Variants in CNTNAP2 observed in about 807,000 individuals in gnomAD.
The protein encoded by CNTNAP2 is contactin associated protein 2.
In CNTNAP2, 98 loss-of-function variants were observed where a neutral mutation model predicts 155.2. The observed-to-expected ratio is 0.63, with a 90% CI of 0.54 to 0.75. The LOEUF (loss-of-function observed/expected upper bound fraction) is 0.75. CNTNAP2 is among the 30% of genes least tolerant of loss of function. CNTNAP2 has a pLI of 0.00. For missense variants in CNTNAP2, 1,727 were observed against 1,688.1 expected (o/e 1.02, Z -0.40); for synonymous variants, 651 against 631.2 (o/e 1.03, Z -0.47).
chr7:147,626,737 G>A (rs946968449), intron 12 of CNTNAP2, among the ~76,000 whole-genome samples: 4 of 152,128 alleles, frequency 2.6e-5, no homozygotes, highest in African/African-American at 9.7e-5. Context: ...GCAACTCATG[G>A]TAGAATAACC....
At chr7:147,566,177 T>C (rs914628734) in intron 12 of CNTNAP2, among the ~76,000 whole-genome samples, 1 of 149,390 alleles carries the variant, frequency 6.7e-6, no homozygotes, top group Non-Finnish European at 1.5e-5. Context: ...AAACCTGTGG[T>C]CCCAGCTACT....
chr7:147,668,390 A>G (rs1192824403), intron 13 of CNTNAP2, among the ~76,000 whole-genome samples: 1 of 152,216 alleles, frequency 6.6e-6, no homozygotes, highest in African/African-American at 2.4e-5. Context: ...AAAGAGTGAC[A>G]CATCTTTAAA....
At chr7:146,915,810 T>A (rs1182316101) in intron 3 of CNTNAP2, 4 of 152,150 alleles carry the variant, frequency 2.6e-5, no homozygotes, top group African/African-American at 9.7e-5. Flanking sequence ...TACACTTTAT[T>A]TCTTTCTCTC....
chr7:147,146,813 T>G (rs1405311877), intron 8 of CNTNAP2: 1 of 152,176 alleles, frequency 6.6e-6, no homozygotes, highest in East Asian at 1.9e-4. Context: ...TTCTTAAAAA[T>G]AAAGAGTTTT....
intron 13 of CNTNAP2, chr7:147,896,902 G>T (rs1242724159): frequency 1.1e-5 from 1 of 89,050 alleles, no homozygotes; most frequent in Non-Finnish European, 2.7e-5. Context: ...AGTTAGTTCC[G>T]CCTACACCCA....
At chr7:148,316,786 C>A (rs1041949855) in intron 21 of CNTNAP2, among the ~76,000 whole-genome samples, 2 of 152,192 alleles carry the variant, frequency 1.3e-5, no homozygotes, top group Admixed American at 1.3e-4. Flanking sequence ...TGCAGGGAAC[C>A]AAAGATCCCA....
chr7:148,131,526 G>A (rs752228539), intron 16 of CNTNAP2, among the ~76,000 whole-genome samples: 36 of 152,264 alleles, frequency 2.4e-4, no homozygotes, highest in South Asian at 1.2e-3. Context: ...TAAGACAACA[G>A]ACCCTCTAAG....
chr7:148,367,452 G>C (rs1296936159), intron 21 of CNTNAP2, among the ~76,000 whole-genome samples: 1 of 151,782 alleles, frequency 6.6e-6, no homozygotes, highest in East Asian at 1.9e-4. Context: ...TACCAACACA[G>C]TCCTAAAATA....
At chr7:146,726,119 A>G (rs551239683) in intron 1 of CNTNAP2, among the ~76,000 whole-genome samples, 3 of 152,284 alleles carry the variant, frequency 2.0e-5, no homozygotes, top group South Asian at 2.1e-4. Context: ...TACATTTTAT[A>G]TTAATAGGCA....
intron 15 of CNTNAP2, among the ~76,000 whole-genome samples, chr7:148,025,175 T>C (rs1802354024): frequency 6.6e-6 from 1 of 152,224 alleles, no homozygotes. Flanking sequence ...GTACAAGATT[T>C]GTAACTTCTC....
chr7:147,013,997 T>C (rs1033236821), intron 3 of CNTNAP2, among the ~76,000 whole-genome samples: 2 of 152,168 alleles, frequency 1.3e-5, no homozygotes, highest in Non-Finnish European at 2.9e-5. Context: ...TTTGTCTATA[T>C]TAGAAGCACA....
chr7:147,071,208 C>T (rs1043933757), intron 4 of CNTNAP2, among the ~76,000 whole-genome samples: 2 of 151,924 alleles, frequency 1.3e-5, no homozygotes, highest in Admixed American at 6.6e-5. Flanking sequence ...TAAATTTTCT[C>T]CATAACAGAA....
At chr7:146,355,450 G>T (rs1794984321) in intron 1 of CNTNAP2, among the ~76,000 whole-genome samples, 1 of 152,126 alleles carries the variant, frequency 6.6e-6, no homozygotes, top group South Asian at 2.1e-4. Flanking sequence ...CCCTGTGGTC[G>T]CAGCAGTGCA....
chr7:148,150,398 A>G (rs1399213291), intron 17 of CNTNAP2, among the ~76,000 whole-genome samples: 4 of 152,060 alleles, frequency 2.6e-5, no homozygotes, highest in African/African-American at 9.7e-5. Flanking sequence ...AATACAAAAA[A>G]TTAGCCAGGC....
At position 147,073,645 on chromosome 7, in the gene CNTNAP2, G is replaced by A. The variant is rs1799940501; in HGVS notation, c.550+29591G>A. 2.6e-5 allele frequency among the ~76,000 whole-genome samples: 4 copies of A among 152,186 alleles called. No individual in the cohort carries two copies. In the South Asian group the frequency reaches 8.3e-4, roughly 31 times the overall value. On this transcript the variant is annotated intron_variant, in intron 4 of 23. Coordinates refer to ENST00000361727, the MANE Select transcript of CNTNAP2 (RefSeq NM_014141.6). ...TGGAACATAAGCTTCAAAGCAGACA[G>A]AGAATGAGTGGCAGGTAGGTCAGGG...
intron 15 of CNTNAP2, among the ~76,000 whole-genome samples, chr7:148,074,699 A>C (rs1011022719): frequency 1.3e-5 from 2 of 151,558 alleles, no homozygotes; most frequent in Admixed American, 6.6e-5. Context: ...AAAAAAAAAA[A>C]TTGAGAATCT....
chr7:148,130,799 A>G (rs1176124431), intron 16 of CNTNAP2, among the ~76,000 whole-genome samples: 2 of 152,154 alleles, frequency 1.3e-5, no homozygotes, highest in Non-Finnish European at 2.9e-5. Flanking sequence ...TCCTGCCCAC[A>G]CAAAATTTTT....
At chr7:146,971,699 G>C (rs1797802459) in intron 3 of CNTNAP2, among the ~76,000 whole-genome samples, 5 of 151,836 alleles carry the variant, frequency 3.3e-5, no homozygotes, top group Admixed American at 3.3e-4. Flanking sequence ...AGTGGAGAGG[G>C]GTCACTCTCT....
chr7:147,732,181 T>TCCCCCCCCCCCCCCCCC (rs199519152), intron 13 of CNTNAP2, among the ~76,000 whole-genome samples: 41 of 108,522 alleles, frequency 3.8e-4, no homozygotes, highest in Non-Finnish European at 5.2e-4. Flanking sequence ...ATGCTATCCC[T>TCCCCCCCCCCCCCCCCC]CCCCCCCCCA....
Sources: allele counts gnomAD v4.1 joint callset (sites outside exome capture counted in the v4.1 genomes callset), GRCh38; gene constraint gnomAD v4.1.1; transcripts MANE v1.5; gene names NCBI Gene and HGNC (gene_info 2026-07-23, HGNC 2026-07-21).